Variants in LYPLA1 observed in about 807,000 individuals in gnomAD.
LYPLA1 encodes the protein acyl-protein thioesterase 1.
A neutral mutation model predicts 34.0 loss-of-function variants in LYPLA1; 17 were observed. The ratio of observed to expected loss-of-function variants is 0.50; its 90% CI spans 0.34 to 0.75. LYPLA1 has a LOEUF of 0.75. Among genes scored for constraint, LYPLA1 ranks in the 30% least tolerant of loss-of-function variants. LYPLA1 has a pLI of 0.01. For synonymous variants in LYPLA1, 98 were observed against 100.8 expected (o/e 0.97, Z 0.17); for missense variants, 203 against 288.8 (o/e 0.70, Z 2.15).
chr8:54,045,613 T>G (rs1353580837), downstream of LYPLA1: 1 of 152,180 alleles, frequency 6.6e-6, no homozygotes, highest in Non-Finnish European at 1.5e-5. Context: ...AGGTGGTCAC[T>G]TAAGTATCCA....
At chr8:54,088,195 T>C (rs1394147085) in intron 2 of LYPLA1, among the ~76,000 whole-genome samples, 1 of 152,218 alleles carries the variant, frequency 6.6e-6, no homozygotes, top group African/African-American at 2.4e-5. Flanking sequence ...GAACATAAAG[T>C]ACATTGATTT....
chr8:54,089,171 G>A (rs1226689727), intron 2 of LYPLA1, among the ~76,000 whole-genome samples: 1 of 152,138 alleles, frequency 6.6e-6, no homozygotes, highest in East Asian at 1.9e-4. Context: ...ACTAACTACT[G>A]AACTGTATAC....
intron 2 of LYPLA1, among the ~76,000 whole-genome samples, chr8:54,066,881 A>G (rs1003404402): frequency 6.6e-6 from 1 of 152,184 alleles, no homozygotes; most frequent in South Asian, 2.1e-4. Flanking sequence ...CTATTTAAAA[A>G]CAGTAACTTT....
At chr8:54,065,084 A>C (rs1364907040) in intron 3 of LYPLA1, among the ~76,000 whole-genome samples, 1 of 152,168 alleles carries the variant, frequency 6.6e-6, no homozygotes, top group Non-Finnish European at 1.5e-5. Context: ...CATTGCCCCA[A>C]ACGATAAAAT....
intron 2 of LYPLA1, among the ~76,000 whole-genome samples, chr8:54,079,905 T>A (rs918369605): frequency 1.4e-4 from 22 of 152,230 alleles, no homozygotes; most frequent in Non-Finnish European, 2.5e-4. Flanking sequence ...TTATTGCCAA[T>A]GCTGATTTTC....
chr8:54,096,845 G>C (rs961787068), intron 2 of LYPLA1, among the ~76,000 whole-genome samples: 6 of 152,048 alleles, frequency 3.9e-5, no homozygotes, highest in African/African-American at 1.2e-4. Context: ...GGAGGTGGAG[G>C]TTCAGTGAGC....
chr8:54,043,379 G>C (rs1056429076), downstream of LYPLA1, among the ~76,000 whole-genome samples: 1 of 152,084 alleles, frequency 6.6e-6, no homozygotes, highest in Non-Finnish European at 1.5e-5. Flanking sequence ...GGATTCAAAT[G>C]ATTCTCCTGC....
At chr8:54,083,832 C>A (rs1808485865) in intron 2 of LYPLA1, among the ~76,000 whole-genome samples, 1 of 152,084 alleles carries the variant, frequency 6.6e-6, no homozygotes, top group Non-Finnish European at 1.5e-5. Flanking sequence ...CTGTAGACAT[C>A]TGTGTTTAAA....
intron 2 of LYPLA1, among the ~76,000 whole-genome samples, chr8:54,069,137 G>A (rs995654268): frequency 2.6e-5 from 4 of 152,178 alleles, no homozygotes; most frequent in Admixed American, 1.3e-4. Context: ...CACTAGGATG[G>A]CTATCAATAT....
At chr8:54,101,633 G>A (rs995486824) in intron 1 of LYPLA1, 122 bp downstream of exon 1, 4 of 1,145,814 alleles carry the variant, frequency 3.5e-6, no homozygotes, top group South Asian at 8.5e-5. Context: ...CACCCCACCC[G>A]GGCCGGGAGG....
chr8:54,098,641 A>G (rs1466275373), intron 2 of LYPLA1, among the ~76,000 whole-genome samples: 1 of 152,262 alleles, frequency 6.6e-6, no homozygotes, highest in Non-Finnish European at 1.5e-5. Context: ...AGATCGTGCC[A>G]CTGCACTCCA....
At chr8:54,059,918 T>C (rs1806476995) in intron 5 of LYPLA1, among the ~76,000 whole-genome samples, 1 of 152,116 alleles carries the variant, frequency 6.6e-6, no homozygotes, top group African/African-American at 2.4e-5. Context: ...TAAGTAACTA[T>C]GTAAATAAAA....
intron 5 of LYPLA1, among the ~76,000 whole-genome samples, chr8:54,055,688 G>T (rs898098099): frequency 1.3e-5 from 2 of 148,934 alleles, no homozygotes; most frequent in African/African-American, 2.5e-5. Flanking sequence ...CTGTCACCCA[G>T]GCTGGAGTGC....
intron 2 of LYPLA1, among the ~76,000 whole-genome samples, chr8:54,093,103 G>A (rs1259876636): frequency 6.6e-6 from 1 of 152,186 alleles, no homozygotes; most frequent in African/African-American, 2.4e-5. Flanking sequence ...GTTGATATAA[G>A]TCAGAGCTAG....
chr8:54,083,464 T>C (rs2129352883), intron 2 of LYPLA1, among the ~76,000 whole-genome samples: 1 of 152,352 alleles, frequency 6.6e-6, no homozygotes, highest in South Asian at 2.1e-4. Flanking sequence ...ATGATGAATT[T>C]ATCATGATGT....
intron 2 of LYPLA1, among the ~76,000 whole-genome samples, chr8:54,085,937 C>G (rs141202801): frequency 0.2 from 30,141 of 152,032 alleles, 4,297 homozygotes; most frequent in East Asian, 0.74. Flanking sequence ...GGAGGTGTAC[C>G]CAACAGCTCA....
chr8:54,101,535 C>T (rs1810153842), intron 1 of LYPLA1: 1 of 1,142,212 alleles, frequency 8.8e-7, no homozygotes, highest in Non-Finnish European at 1.1e-6. Flanking sequence ...CTCCGCAATG[C>T]AGGGAGGAGC....
At chr8:54,100,966 G>A (rs933432665) in intron 1 of LYPLA1, 27 bp from the exon 2 acceptor site, 4 of 1,595,864 alleles carry the variant, frequency 2.5e-6, no homozygotes, top group Middle Eastern at 1.7e-4. Context: ...AAATTAATAA[G>A]CAATGCCTAA....
At chr8:54,062,488 A>C (rs185606294) in intron 4 of LYPLA1, among the ~76,000 whole-genome samples, 164 bp from the exon 5 acceptor site, 197 of 136,166 alleles carry the variant, frequency 1.4e-3, no homozygotes, top group Middle Eastern at 7.7e-3. Context: ...ACGAAGTCTC[A>C]CTATTTATTT....
Sources: allele counts gnomAD v4.1 joint callset (sites outside exome capture counted in the v4.1 genomes callset), GRCh38; gene constraint gnomAD v4.1.1; transcripts MANE v1.5; gene names NCBI Gene and HGNC (gene_info 2026-07-23, HGNC 2026-07-21).